COL13A1: variants seen among roughly 807,000 people sequenced by gnomAD.
COL13A1 encodes the protein collagen alpha-1(XIII) chain.
Under a neutral mutation model 130.9 loss-of-function variants are expected in COL13A1, and 89 were observed. The ratio of observed to expected loss-of-function variants is 0.68; its 90% CI spans 0.57 to 0.81. The LOEUF is 0.81. COL13A1 is among the 30% of genes least tolerant of loss of function. The pLI, the probability that COL13A1 is intolerant of heterozygous loss-of-function variation, is 0.00. For missense variants in COL13A1, 879 were observed against 934.6 expected (o/e 0.94, Z 0.78); for synonymous variants, 402 against 341.6 (o/e 1.18, Z -1.95).
chr10:69,909,652 A>G (rs569267227), intron 17 of COL13A1, among the ~76,000 whole-genome samples: 1 of 152,282 alleles, frequency 6.6e-6, no homozygotes, highest in East Asian at 1.9e-4. Flanking sequence ...GCCACGAAGG[A>G]CTTGAGGTCA....
At chr10:69,952,761 TA>T in intron 38 of COL13A1, 120 bp from the exon 39 acceptor site, 1 of 694,482 alleles carries the variant, frequency 1.4e-6, no homozygotes, top group Non-Finnish European at 2.3e-6. Context: ...GAGAATATCC[TA>T]ATTTAAAGCA....
chr10:69,875,457 G>A (rs1399508490), intron 5 of COL13A1, among the ~76,000 whole-genome samples: 3 of 152,190 alleles, frequency 2.0e-5, no homozygotes, highest in Admixed American at 6.5e-5. Flanking sequence ...TGCTGGGAAC[G>A]GCAGGAACAA....
At chr10:69,935,790 G>A (rs1186968232) in intron 32 of COL13A1, among the ~76,000 whole-genome samples, 11 of 152,056 alleles carry the variant, frequency 7.2e-5, no homozygotes, top group Non-Finnish European at 1.2e-4. Context: ...CAGGTGGATC[G>A]CTTGAGTCCG....
chr10:69,932,022 A>T (rs543211019), intron 30 of COL13A1, among the ~76,000 whole-genome samples: 1 of 152,070 alleles, frequency 6.6e-6, no homozygotes, highest in East Asian at 1.9e-4. Flanking sequence ...GGCCACCTAC[A>T]GTTCCTGCCA....
intron 2 of COL13A1, among the ~76,000 whole-genome samples, chr10:69,861,930 C>G (rs1001249771): frequency 2.2e-4 from 33 of 152,118 alleles, no homozygotes; most frequent in African/African-American, 7.5e-4. Flanking sequence ...CATCATAGGA[C>G]AGATGTGAGC....
chr10:69,908,512 G>A (rs1349544415), intron 17 of COL13A1, among the ~76,000 whole-genome samples: 2 of 152,190 alleles, frequency 1.3e-5, no homozygotes, highest in African/African-American at 2.4e-5. Flanking sequence ...GCATCACGGC[G>A]ATGCCCTTGG....
At chr10:69,878,652 T>A (rs767120638) in intron 6 of COL13A1, among the ~76,000 whole-genome samples, 4 of 152,222 alleles carry the variant, frequency 2.6e-5, no homozygotes, top group Non-Finnish European at 5.9e-5. Context: ...CAGCTAATTT[T>A]TGCAGTTTTA....
At chr10:69,917,919 C>G (rs2064126189) in intron 18 of COL13A1, among the ~76,000 whole-genome samples, 1 of 151,976 alleles carries the variant, frequency 6.6e-6, no homozygotes, top group Non-Finnish European at 1.5e-5. Flanking sequence ...CCCATCTCCT[C>G]CTCCTCCTCC....
At chr10:69,916,507 C>T (rs1359678964) in intron 17 of COL13A1, among the ~76,000 whole-genome samples, 1 of 152,212 alleles carries the variant, frequency 6.6e-6, no homozygotes, top group Non-Finnish European at 1.5e-5. Flanking sequence ...CCCACTTGTC[C>T]CTGGCTGTCA....
At chr10:69,812,809 GT>G (rs1843399072) in intron 1 of COL13A1, among the ~76,000 whole-genome samples, 1 of 152,254 alleles carries the variant, frequency 6.6e-6, no homozygotes, top group African/African-American at 2.4e-5. Flanking sequence ...CTCCTAAGAA[GT>G]GCATTATTGG....
chr10:69,875,213 G>T (rs59942449), intron 5 of COL13A1, 50 bp downstream of exon 5: 25 of 1,610,110 alleles, frequency 1.6e-5, no homozygotes, highest in Non-Finnish European at 1.9e-5. Context: ...TTGCTTCTCC[G>T]TGCTGGCCTG....
intron 23 of COL13A1, among the ~76,000 whole-genome samples, chr10:69,923,223 GC>G (rs2064918360): frequency 6.6e-6 from 1 of 152,226 alleles, no homozygotes; most frequent in African/African-American, 2.4e-5. Context: ...TGAGTAGGTT[GC>G]AGGTCAACTA....
chr10:69,904,933 G>A lies in COL13A1; in HGVS notation c.859G>A (p.Gly287Ser). The A allele has an allele frequency of 3.9e-6, 6 of 1,544,606 alleles. No individual in the cohort carries two copies. The highest frequency in any genetic ancestry group is 5.2e-6 in the Non-Finnish European group (6 of 1,145,192). Residue 287 changes from glycine to serine, a missense_variant and splice_region_variant, in exon 16 of 41, where the codon GGC becomes AGC. Physicochemically the swap from Gly to Ser is moderately conservative, Grantham distance 56. Around this residue, in one of 3 missense-constraint regions of COL13A1, gnomAD observed 715 missense variants for 721.0 expected, o/e 0.99. Coordinates refer to ENST00000645393, the MANE Select transcript of COL13A1 (RefSeq NM_001368882.1). ...PGLPGPMGPP[G>S]LPGPPGPKGD... ...TTTTTTTTTTTTTTTGCTTCCACAG[G>A]GCTTACCTGGGCCTCCTGGACCAAA... is the stretch of plus-strand genomic sequence containing the variant.
chr10:69,880,406 C>T lies in COL13A1; in HGVS notation c.463-97C>T, dbSNP rs957855494. On this transcript the variant is annotated intron_variant, in intron 6 of 40. Transcript: ENST00000645393. ...GGGGCCGGCCTCCTGCTCCTGGCCCCCTGCCAGCTCCTTCCCTTTGGTTCC... is the reference window on the plus strand; with the variant it reads ...GGGGCCGGCCTCCTGCTCCTGGCCCTCTGCCAGCTCCTTCCCTTTGGTTCC... The T allele has an allele frequency of 4.8e-5, 37 of 767,964 alleles. 1 individual carries two copies. The highest frequency in any genetic ancestry group is 3.8e-4 in the South Asian group (26 of 69,104). 47.6% of individuals were successfully genotyped at this position (767,964 alleles called of 1,614,324 possible).
intron 1 of COL13A1, among the ~76,000 whole-genome samples, chr10:69,810,116 C>T (rs1842564303): frequency 6.6e-6 from 1 of 152,206 alleles, no homozygotes. Context: ...AGTAACTAAA[C>T]ATTTTAAAGT....
chr10:69,945,445 C>T (rs1009125622), intron 36 of COL13A1, among the ~76,000 whole-genome samples: 3 of 152,186 alleles, frequency 2.0e-5, no homozygotes, highest in African/African-American at 7.2e-5. Context: ...TCTGGGAGGC[C>T]TTGGGGGATA....
intron 17 of COL13A1, among the ~76,000 whole-genome samples, 156 bp from the exon 18 acceptor site, chr10:69,917,133 G>A (rs556957090): frequency 2.0e-5 from 3 of 152,258 alleles, no homozygotes; most frequent in African/African-American, 7.2e-5. Context: ...TGAGGACAGG[G>A]GCCCACACAG....
At chr10:69,872,884 C>G (rs1264136693) in intron 4 of COL13A1, among the ~76,000 whole-genome samples, 2 of 152,144 alleles carry the variant, frequency 1.3e-5, no homozygotes, top group Non-Finnish European at 2.9e-5. Context: ...AGGTGGGGAC[C>G]TGTTAGAGGC....
intron 15 of COL13A1, among the ~76,000 whole-genome samples, chr10:69,903,705 A>T (rs1286866795): frequency 1.3e-5 from 2 of 152,226 alleles, no homozygotes; most frequent in African/African-American, 4.8e-5. Flanking sequence ...TTTCCTTCTT[A>T]TGACAAAAGC....
Sources: allele counts gnomAD v4.1 joint callset (sites outside exome capture counted in the v4.1 genomes callset), GRCh38; gene constraint gnomAD v4.1.1; regional missense constraint gnomAD v4.1.1; transcripts MANE v1.5; gene names NCBI Gene and HGNC (gene_info 2026-07-23, HGNC 2026-07-21).